The following ZMIZ1 variants were observed in gnomAD, a reference collection of about 807,000 sequenced individuals.
The protein encoded by ZMIZ1 is zinc finger MIZ domain-containing protein 1.
In ZMIZ1, 17 loss-of-function variants were observed where a neutral mutation model predicts 113.9. That is an observed-to-expected ratio of 0.15 (90% CI 0.10 to 0.22). The LOEUF (loss-of-function observed/expected upper bound fraction) is 0.22, where lower values mean the gene tolerates loss of function less well. Among genes scored for constraint, ZMIZ1 ranks in the 10% least tolerant of loss-of-function variants. The pLI is 1.00. For missense variants in ZMIZ1, 1,059 were observed against 1,477.8 expected (o/e 0.72, Z 4.65); for synonymous variants, 607 against 603.1 (o/e 1.01, Z -0.09).
intron 1 of ZMIZ1, among the ~76,000 whole-genome samples, chr10:79,072,634 A>G (rs1394860541): frequency 6.6e-6 from 1 of 152,254 alleles, no homozygotes; most frequent in African/African-American, 2.4e-5. Flanking sequence ...ATTAATTTCC[A>G]GAAGCTTCTG....
chr10:79,162,498 GA>G (rs1846153791), intron 4 of ZMIZ1, among the ~76,000 whole-genome samples: 1 of 152,308 alleles, frequency 6.6e-6, no homozygotes, highest in South Asian at 2.1e-4. Flanking sequence ...GGGTGAGCAG[GA>G]GCATGTCGGC....
intron 4 of ZMIZ1, among the ~76,000 whole-genome samples, chr10:79,192,455 G>T (rs1328016921): frequency 1.3e-5 from 2 of 152,218 alleles, no homozygotes; most frequent in African/African-American, 2.4e-5. Context: ...ACAAGGATGG[G>T]TGTTGGGAGA....
At chr10:79,102,520 G>T (rs1031509546) in intron 1 of ZMIZ1, among the ~76,000 whole-genome samples, 1 of 152,240 alleles carries the variant, frequency 6.6e-6, no homozygotes, top group Non-Finnish European at 1.5e-5. Flanking sequence ...AGGAGCTGAG[G>T]GGGGACAGGA....
Position 79,314,950 on chromosome 10 carries a change from C to G in ZMIZ1, c.*2201C>G, listed in dbSNP as rs1048039335. 1 of 152,720 alleles carries G rather than the reference C, an allele frequency of 6.5e-6. No homozygotes were observed. The highest frequency in any genetic ancestry group is 1.5e-5 in the Non-Finnish European group (1 of 68,188). The allele number at this position is 152,720 out of a possible 1,614,324, so 9.5% of individuals were successfully genotyped here. On this transcript the variant is annotated 3_prime_UTR_variant, in exon 25 of 25. Coordinates refer to ENST00000334512, the MANE Select transcript of ZMIZ1 (RefSeq NM_020338.4). ...CTTACAGATGCCTTCCTTAGGAGTT[C>G]TTGCTTCTTGCGTTGATACTTTGCC... is the stretch of plus-strand genomic sequence containing the variant.
chr10:79,217,312 C>T (rs936854033), intron 7 of ZMIZ1, among the ~76,000 whole-genome samples: 1 of 152,114 alleles, frequency 6.6e-6, no homozygotes, highest in Admixed American at 6.5e-5. Context: ...GTAGTCCCAG[C>T]TACTCAGGAG....
intron 7 of ZMIZ1, among the ~76,000 whole-genome samples, chr10:79,254,699 T>C (rs954629948): frequency 1.3e-5 from 2 of 152,212 alleles, no homozygotes; most frequent in African/African-American, 4.8e-5. Context: ...ATGGCCTTCC[T>C]GGGGTGAGGC....
At chr10:79,100,014 G>T (rs1055084334) in intron 1 of ZMIZ1, among the ~76,000 whole-genome samples, 2 of 152,084 alleles carry the variant, frequency 1.3e-5, no homozygotes, top group Admixed American at 1.3e-4. Context: ...ACCTGACCTG[G>T]GGTGTAATGG....
chr10:79,293,690 G>A, intron 12 of ZMIZ1, 37 bp downstream of exon 12: 1 of 1,612,964 alleles, frequency 6.2e-7, no homozygotes, highest in Non-Finnish European at 8.5e-7. Context: ...GGTGGGAACT[G>A]GGACACCTGG....
chr10:79,284,081 G>C (rs544058765), intron 8 of ZMIZ1, among the ~76,000 whole-genome samples: 2 of 152,200 alleles, frequency 1.3e-5, no homozygotes, highest in African/African-American at 4.8e-5. Context: ...CTCCCCCCGC[G>C]TTCCTTTCAT....
At chr10:79,087,709 T>C (rs1842860870) in intron 1 of ZMIZ1, among the ~76,000 whole-genome samples, 1 of 152,262 alleles carries the variant, frequency 6.6e-6, no homozygotes, top group Non-Finnish European at 1.5e-5. Flanking sequence ...CTTCATTCTC[T>C]GGCCCCAGAT....
intron 7 of ZMIZ1, among the ~76,000 whole-genome samples, chr10:79,248,371 AG>A (rs1415626670): frequency 6.6e-6 from 1 of 152,104 alleles, no homozygotes; most frequent in East Asian, 1.9e-4. Context: ...TCCAGATGGC[AG>A]GGGGGAGGTT....
chr10:79,201,654 A>T lies in ZMIZ1; in HGVS notation c.22A>T (p.Ile8Phe), dbSNP rs755939817. MNSMDRH[I>F]QQTNDRLQCI... The stretch of plus-strand genomic sequence containing the variant: ...CAGAATGAATTCTATGGACAGGCAC[A>T]TCCAGCAGACCAATGACCGACTGCA... The change falls in exon 5 of 25, where the codon ATC (isoleucine) becomes TTC (phenylalanine). Residue 8 changes from isoleucine (I) to phenylalanine (F), a missense_variant. Coordinates refer to ENST00000334512, the MANE Select transcript of ZMIZ1 (RefSeq NM_020338.4). 1 of 1,613,782 alleles carries T rather than the reference A, an allele frequency of 6.2e-7. No individual in the cohort carries two copies. The highest frequency in any genetic ancestry group is 8.5e-7 in the Non-Finnish European group (1 of 1,179,924).
intron 7 of ZMIZ1, among the ~76,000 whole-genome samples, chr10:79,250,502 C>T (rs1319419189): frequency 6.6e-6 from 1 of 152,256 alleles, no homozygotes; most frequent in Non-Finnish European, 1.5e-5. Flanking sequence ...CATGTGTCAG[C>T]TCTGGAGGAA....
At chr10:79,162,927 G>A (rs1013788654) in intron 4 of ZMIZ1, among the ~76,000 whole-genome samples, 5 of 152,172 alleles carry the variant, frequency 3.3e-5, no homozygotes, top group African/African-American at 7.2e-5. Context: ...TCCTAAGGTC[G>A]GGGCCAGCAG....
At chr10:79,153,755 G>T (rs577128623) in intron 3 of ZMIZ1, among the ~76,000 whole-genome samples, 1 of 152,246 alleles carries the variant, frequency 6.6e-6, no homozygotes, top group Admixed American at 6.5e-5. Context: ...CTTGTGAGCC[G>T]GCCAGGATTT....
Position 79,302,098 on chromosome 10 carries a change from T to A in ZMIZ1, c.2020-9T>A, listed in dbSNP as rs1175256748. 4 of 1,613,122 alleles carry A rather than the reference T, an allele frequency of 2.5e-6. No homozygotes were observed. In the East Asian group the frequency reaches 8.9e-5, roughly 36 times the overall value. ...GCACAGGAACTGAGTGTCTCCTCTC[T>A]CCCCGCAGTCCCACCTCTTCGTGCT... On this transcript the variant is annotated splice_polypyrimidine_tract_variant and intron_variant, in intron 17 of 24. Transcript: ENST00000334512.
rs1334727833 is a variant in ZMIZ1 at position 79,069,138 on chromosome 10, G to T, written c.-469G>T. 6.7e-6 allele frequency: 1 copy of T among 150,342 alleles called. No homozygotes were observed. The highest frequency in any genetic ancestry group is 1.5e-5 in the Non-Finnish European group (1 of 67,324). The allele number at this position is 150,342 out of a possible 1,614,324, so 9.3% of individuals were successfully genotyped here. On this transcript the variant is annotated 5_prime_UTR_variant, in exon 1 of 25. Transcript: ENST00000334512. The surrounding 1 kb of genome is among the most constrained non-coding windows in gnomAD (Gnocchi z 4.6). The stretch of plus-strand genomic sequence containing the variant: ...GCGCAGCGCGGTGACCCCAGCCCCA[G>T]CCGGCGCGGAGCAGGAGCCGGAGCC...
At chr10:79,301,459 AG>A (rs1183636083) in intron 17 of ZMIZ1, among the ~76,000 whole-genome samples, 1 of 151,814 alleles carries the variant, frequency 6.6e-6, no homozygotes, top group East Asian at 1.9e-4. Flanking sequence ...ACCAGCTCTC[AG>A]CCACCCTCAT....
At position 79,152,925 on chromosome 10, in the gene ZMIZ1, G is replaced by A. The variant is rs544722567; in HGVS notation, c.-130-9128G>A. 2.6e-5 allele frequency among the ~76,000 whole-genome samples: 4 copies of A among 152,386 alleles called. No individual in the cohort carries two copies. The East Asian group carries it at 7.7e-4, about 29-fold the overall frequency. On this transcript the variant is annotated intron_variant, in intron 3 of 24. Coordinates refer to ENST00000334512, the MANE Select transcript of ZMIZ1 (RefSeq NM_020338.4). The stretch of plus-strand genomic sequence containing the variant: ...ACCTGCCAGCCTGGTACTGGGTGCT[G>A]TGGCAACAGGAAGAGGAAACCCACC...
Sources: gnomAD v4.1 joint callset for allele counts (sites outside exome capture counted in the v4.1 genomes callset) on GRCh38, gnomAD v4.1.1 for gene constraint, Gnocchi (gnomAD v3.1) non-coding constraint, MANE v1.5 for transcripts, NCBI Gene and HGNC (gene_info 2026-07-23, HGNC 2026-07-21) for gene names.